The following DDX60 variants were observed in gnomAD, a reference collection of about 807,000 sequenced individuals.
DDX60 encodes probable ATP-dependent RNA helicase DDX60.
A neutral mutation model predicts 212.8 loss-of-function variants in DDX60; 165 were observed. That is an observed-to-expected ratio of 0.78 (90% confidence interval 0.68 to 0.88). The LOEUF is 0.88. Ranked by LOEUF, DDX60 falls within the 40% of genes least tolerant of loss-of-function variation. DDX60 has a pLI of 0.00. For synonymous variants in DDX60, 703 were observed against 685.3 expected (o/e 1.03, Z -0.40); for missense variants, 1,905 against 2,003.9 (o/e 0.95, Z 0.94).
At chr4:168,296,499 C>G (rs1489808516) in intron 6 of DDX60, among the ~76,000 whole-genome samples, 1 of 151,818 alleles carries the variant, frequency 6.6e-6, no homozygotes. Context: ...ATTTGAAGAC[C>G]CAAAACCACT....
chr4:168,318,513 C>A (rs1380930367), intron 1 of DDX60, 109 bp downstream of exon 1: 55 of 152,522 alleles, frequency 3.6e-4, no homozygotes, highest in Admixed American at 3.6e-3. Flanking sequence ...GCGCCCCGAG[C>A]CCAGCACTCC....
chr4:168,218,004 C>T (rs1387738213), intron 37 of DDX60, among the ~76,000 whole-genome samples: 1 of 151,912 alleles, frequency 6.6e-6, no homozygotes, highest in Non-Finnish European at 1.5e-5. Context: ...GTACAGGTAA[C>T]AAAAAAGGAG....
chr4:168,271,636 G>A (rs1048734649), intron 19 of DDX60, among the ~76,000 whole-genome samples: 1 of 152,194 alleles, frequency 6.6e-6, no homozygotes, highest in Non-Finnish European at 1.5e-5. Flanking sequence ...TTTCAAGAGT[G>A]TCATTTAATT....
chr4:168,287,154 G>C lies in DDX60; in HGVS notation c.1233C>G (p.Leu411=). 6.2e-7 allele frequency: 1 copy of C among 1,611,068 alleles called. No individual in the cohort carries two copies. Among genetic ancestry groups the C allele is most frequent in the East Asian group, 2.2e-5 (1 of 44,662 alleles). The change falls in exon 10 of 38, where the codon CTC becomes CTG. Residue 411 remains leucine (L), a synonymous_variant. Transcript: ENST00000393743. ...GDTIMKDYEY[L]WNTVSKLVRD... ...TGACCAACTTTGATACGGTATTCCA[G>C]AGATATTCATAATCTTTCATAATGG... is the stretch of plus-strand genomic sequence containing the variant.
intron 6 of DDX60, 93 bp from the exon 7 acceptor site, chr4:168,294,038 A>G: frequency 1.8e-6 from 2 of 1,119,000 alleles, no homozygotes; most frequent in Non-Finnish European, 2.5e-6. Context: ...TAGGCTTAAT[A>G]CATGTGTGAC....
chr4:168,221,512 A>T (rs1465865878), intron 36 of DDX60, among the ~76,000 whole-genome samples: 1 of 152,112 alleles, frequency 6.6e-6, no homozygotes, highest in Admixed American at 6.6e-5. Context: ...AGCTGGGCTA[A>T]GTGCCAAGAT....
rs1030250142 is a variant in DDX60, at chr4:168,239,056, TAG to T, written c.4165-1263_4165-1262del. On this transcript the variant is annotated intron_variant, in intron 30 of 37. Coordinates refer to ENST00000393743, the MANE Select transcript of DDX60 (RefSeq NM_017631.6). ...GATAGATGTATCCAAAGTGATAAAA[TAG>T]AAAAACACACAATAGATCAAATCTT... 1.8e-4 allele frequency among the ~76,000 whole-genome samples: 28 copies of T among 152,052 alleles called. 1 individual carries two copies. The highest frequency in any genetic ancestry group is 6.8e-4 in the African/African-American group (28 of 41,406).
rs193192968 is a variant in DDX60 at position 168,217,900 on chromosome 4, A to G, written c.5040-868T>C. On this transcript the variant is annotated intron_variant, in intron 37 of 37. Transcript: ENST00000393743. ...TTGAGCCCAAGAAGACACATTTTGG[A>G]CTTCTGACCTCCAGAATTGTAAAAT... is the stretch of plus-strand genomic sequence containing the variant. Among the ~76,000 whole-genome samples, 105 of 152,312 alleles carry G rather than the reference A, an allele frequency of 6.9e-4. 1 individual carries two copies. The highest frequency in any genetic ancestry group is 2.5e-3 in the African/African-American group (104 of 41,574).
intron 37 of DDX60, among the ~76,000 whole-genome samples, chr4:168,219,709 T>C (rs1182258127): frequency 3.3e-5 from 5 of 151,998 alleles, no homozygotes; most frequent in African/African-American, 1.2e-4. Context: ...ACCTATAAAG[T>C]ATTGAGTTGC....
At chr4:168,269,334 C>T (rs1734987114) in intron 19 of DDX60, among the ~76,000 whole-genome samples, 1 of 152,200 alleles carries the variant, frequency 6.6e-6, no homozygotes, top group Non-Finnish European at 1.5e-5. Context: ...CACGGTGGCT[C>T]ACGCCTGTAA....
chr4:168,224,649 G>T (rs918741998), intron 34 of DDX60, among the ~76,000 whole-genome samples: 1 of 151,886 alleles, frequency 6.6e-6, no homozygotes, highest in African/African-American at 2.4e-5. Context: ...AGAAATGAAA[G>T]ACTAAATTTA....
chr4:168,322,052 T>G (rs1737619664), upstream of DDX60, among the ~76,000 whole-genome samples: 1 of 152,186 alleles, frequency 6.6e-6, no homozygotes, highest in Admixed American at 6.5e-5. Flanking sequence ...CTCAGGCCCA[T>G]TAGCCTAAAT....
chr4:168,220,397 T>C (rs1221864926), intron 37 of DDX60, among the ~76,000 whole-genome samples: 1 of 152,130 alleles, frequency 6.6e-6, no homozygotes, highest in East Asian at 1.9e-4. Context: ...TGCCTGTCAG[T>C]GCATGATGCC....
chr4:168,221,867 T>A lies in DDX60; in HGVS notation c.4839A>T (p.Thr1613=). Residue 1613 remains threonine (T), a synonymous_variant, in exon 36 of 38, where the codon ACA becomes ACT. Coordinates refer to ENST00000393743, the MANE Select transcript of DDX60 (RefSeq NM_017631.6). ...GAGCCTGAGAGCGATTGACACCGAT[T>A]GTGCCTAGAGTAACCTGAAAAAATA... The part of the protein sequence containing the change: ...LETPNHVTLG[T]IGVNRSQAPV... 1.2e-6 allele frequency: 2 copies of A among 1,612,738 alleles called. No individual in the cohort carries two copies. Among genetic ancestry groups the A allele is most frequent in the Non-Finnish European group, 1.7e-6 (2 of 1,179,162 alleles).
At chr4:168,287,796 G>C (rs181836554) in intron 9 of DDX60, among the ~76,000 whole-genome samples, 2 of 152,068 alleles carry the variant, frequency 1.3e-5, no homozygotes, top group African/African-American at 4.8e-5. Flanking sequence ...ATATAAATTA[G>C]CCTTATCTTT....
At chr4:168,287,453 C>T (rs142368712) in intron 9 of DDX60, among the ~76,000 whole-genome samples, 25 of 152,214 alleles carry the variant, frequency 1.6e-4, no homozygotes, top group Middle Eastern at 3.4e-3. Flanking sequence ...AACCCACAAA[C>T]GCATCGTGAA....
intron 10 of DDX60, 57 bp from the exon 11 acceptor site, chr4:168,285,555 A>T: frequency 1.0e-6 from 1 of 986,088 alleles, no homozygotes; most frequent in Admixed American, 2.5e-5. Context: ...TTCAGACAGG[A>T]ATATTACATA....
intron 19 of DDX60, among the ~76,000 whole-genome samples, chr4:168,269,321 G>A (rs1030715893): frequency 5.7e-4 from 87 of 152,136 alleles, no homozygotes; most frequent in African/African-American, 2.0e-3. Flanking sequence ...AATGTTGGCC[G>A]GGCACGGTGG....
chr4:168,258,774 G>GA (rs1457689298), intron 25 of DDX60, among the ~76,000 whole-genome samples: 1 of 152,034 alleles, frequency 6.6e-6, no homozygotes, highest in Non-Finnish European at 1.5e-5. Flanking sequence ...GAAAGCACTA[G>GA]AAAAAACAGC....
Sources: allele counts gnomAD v4.1 joint callset (sites outside exome capture counted in the v4.1 genomes callset), GRCh38; gene constraint gnomAD v4.1.1; transcripts MANE v1.5; gene names NCBI Gene and HGNC (gene_info 2026-07-23, HGNC 2026-07-21).